DAB1: variants seen among roughly 807,000 people sequenced by gnomAD.
DAB1 encodes the protein disabled homolog 1.
In DAB1, 15 loss-of-function variants were observed where a neutral mutation model predicts 64.6. That is an observed-to-expected ratio of 0.23 (90% CI 0.16 to 0.36). The LOEUF (loss-of-function observed/expected upper bound fraction) is 0.36, where lower values mean the gene tolerates loss of function less well. DAB1 is among the 10% of genes least tolerant of loss of function. The pLI is 1.00. For missense variants in DAB1, 596 were observed against 706.7 expected (o/e 0.84, Z 1.78); for synonymous variants, 235 against 251.9 (o/e 0.93, Z 0.64).
chr1:58,484,783 T>C (rs1258842428), intron 3 of DAB1, among the ~76,000 whole-genome samples: 3 of 152,124 alleles, frequency 2.0e-5, no homozygotes, highest in Non-Finnish European at 4.4e-5. Flanking sequence ...ACCTTAAACG[T>C]ATATTGCTAA....
At chr1:58,257,672 A>G (rs1447191867) in intron 4 of DAB1, among the ~76,000 whole-genome samples, 1 of 152,214 alleles carries the variant, frequency 6.6e-6, no homozygotes, top group African/African-American at 2.4e-5. Flanking sequence ...CAAATAAAAT[A>G]CTTCTATAAA....
chr1:57,365,636 G>T (rs1679934808), intron 1 of DAB1, among the ~76,000 whole-genome samples: 1 of 151,958 alleles, frequency 6.6e-6, no homozygotes, highest in South Asian at 2.1e-4. Context: ...GTTCAGTGAA[G>T]TGGAGAGGCC....
chr1:57,780,465 A>T (rs1650009391), intron 6 of DAB1, among the ~76,000 whole-genome samples: 1 of 152,148 alleles, frequency 6.6e-6, no homozygotes, highest in Non-Finnish European at 1.5e-5. Flanking sequence ...TTCTTCAACA[A>T]TTGATATATA....
intron 7 of DAB1, among the ~76,000 whole-genome samples, chr1:57,546,379 G>A (rs1369016816): frequency 6.6e-6 from 1 of 152,138 alleles, no homozygotes; most frequent in African/African-American, 2.4e-5. Flanking sequence ...AGAAAAGCAG[G>A]CAGTAAAATA....
chr1:58,349,612 G>T (rs540856709), intron 3 of DAB1, among the ~76,000 whole-genome samples: 1 of 151,562 alleles, frequency 6.6e-6, no homozygotes, highest in East Asian at 1.9e-4. Context: ...TCCCCTAGAC[G>T]CCCACCCCTC....
chr1:57,060,125 TTTTTATTTTA>T (rs71051217), intron 9 of DAB1, among the ~76,000 whole-genome samples: 53 of 135,974 alleles, frequency 3.9e-4, no homozygotes, highest in Middle Eastern at 3.8e-3. Flanking sequence ...ATTCATATAT[TTTTTATTTTA>T]TTTTATTTTA....
intron 1 of DAB1, among the ~76,000 whole-genome samples, chr1:57,859,813 T>C (rs1423334380): frequency 2.0e-5 from 3 of 152,192 alleles, no homozygotes; most frequent in Non-Finnish European, 2.9e-5. Flanking sequence ...GTATCTCAAA[T>C]ATCTCTTGCA....
At chr1:57,475,171 G>A (rs889564282) in intron 7 of DAB1, among the ~76,000 whole-genome samples, 1 of 152,208 alleles carries the variant, frequency 6.6e-6, no homozygotes, top group Non-Finnish European at 1.5e-5. Flanking sequence ...CAGCTACTCA[G>A]GAGGCTGAGG....
At chr1:57,208,847 C>G (rs1366326250) in intron 2 of DAB1, among the ~76,000 whole-genome samples, 3 of 152,140 alleles carry the variant, frequency 2.0e-5, no homozygotes, top group Non-Finnish European at 4.4e-5. Context: ...ACAGAGATTC[C>G]AAAGCCACCT....
chr1:57,462,414 T>C (rs927721736), intron 7 of DAB1, among the ~76,000 whole-genome samples: 2 of 152,234 alleles, frequency 1.3e-5, no homozygotes, highest in Non-Finnish European at 2.9e-5. Context: ...AACTATGTTC[T>C]TTGGAGTTCT....
intron 6 of DAB1, among the ~76,000 whole-genome samples, chr1:57,662,013 T>A (rs1646392504): frequency 2.0e-5 from 3 of 152,036 alleles, no homozygotes; most frequent in Admixed American, 2.0e-4. Context: ...GGTCTGGAGA[T>A]CCAGCTTCTC....
chr1:57,088,657 A>C (rs1372655599), intron 4 of DAB1, among the ~76,000 whole-genome samples: 1 of 151,824 alleles, frequency 6.6e-6, no homozygotes, highest in Admixed American at 6.6e-5. Flanking sequence ...CCCTGACTCT[A>C]CTCAAGCTCT....
intron 3 of DAB1, among the ~76,000 whole-genome samples, chr1:58,386,839 G>A (rs1644436855): frequency 6.6e-6 from 1 of 152,098 alleles, no homozygotes; most frequent in Non-Finnish European, 1.5e-5. Context: ...GCAGGTGGAT[G>A]ACCTGAGGTC....
chr1:57,392,022 C>T (rs1053450627), intron 1 of DAB1, among the ~76,000 whole-genome samples: 2 of 152,106 alleles, frequency 1.3e-5, no homozygotes, highest in Non-Finnish European at 2.9e-5. Flanking sequence ...CATTCAGGTA[C>T]ACTTTAAGGA....
chr1:58,167,074 A>G (rs1000843259), intron 4 of DAB1, among the ~76,000 whole-genome samples: 30 of 152,052 alleles, frequency 2.0e-4, no homozygotes, highest in Non-Finnish European at 4.1e-4. Context: ...AAAAGCTGCC[A>G]AATTGCTGCC....
At chr1:57,624,824 C>G in intron 7 of DAB1, among the ~76,000 whole-genome samples, 1 of 152,216 alleles carries the variant, frequency 6.6e-6, no homozygotes, top group East Asian at 1.9e-4. Flanking sequence ...CAGACACTAT[C>G]TTCTCGAACA....
chr1:57,009,365 G>A (rs1570484496), intron 14 of DAB1, among the ~76,000 whole-genome samples: 1 of 152,200 alleles, frequency 6.6e-6, no homozygotes, highest in South Asian at 2.1e-4. Flanking sequence ...ATCGTAGGTG[G>A]TTTTGCATGG....
intron 6 of DAB1, among the ~76,000 whole-genome samples, chr1:57,760,620 T>A (rs866268600): frequency 2.3e-4 from 32 of 140,480 alleles, no homozygotes; most frequent in South Asian, 6.8e-4. Context: ...TCTCTCTCTC[T>A]CACACACACA....
rs1319963197 is a variant in DAB1 at position 58,132,228 on chromosome 1, CG to C, written n.387+18282del. ...TGGGAGTGACCCGATTTTCCAGGTG[CG>C]GTCCGTCAGCGATTTCTTTGACTCA... is the stretch of plus-strand genomic sequence containing the variant. On this transcript the variant is annotated intron_variant and non_coding_transcript_variant, in intron 5 of 20. Coordinates refer to the DAB1 transcript ENST00000485760. 4.6e-5 allele frequency among the ~76,000 whole-genome samples: 7 copies of C among 152,272 alleles called. No individual in the cohort carries two copies. The East Asian group carries it at 5.8e-4, about 13-fold the overall frequency.
Sources: gnomAD v4.1 joint callset for allele counts (sites outside exome capture counted in the v4.1 genomes callset) on GRCh38, gnomAD v4.1.1 for gene constraint, MANE v1.5 for transcripts, NCBI Gene and HGNC (gene_info 2026-07-23, HGNC 2026-07-21) for gene names.